Variants in ATXN10 observed in about 807,000 individuals in gnomAD.
ATXN10 encodes the protein ataxin-10.
A neutral mutation model predicts 52.9 loss-of-function variants in ATXN10; 28 were observed. That is an observed-to-expected ratio of 0.53 (90% confidence interval 0.39 to 0.73). The LOEUF (loss-of-function observed/expected upper bound fraction) is 0.73. Ranked by LOEUF, ATXN10 falls within the 30% of genes least tolerant of loss-of-function variation. ATXN10 has a pLI of 0.00. For missense variants in ATXN10, 565 were observed against 577.0 expected, an observed-to-expected ratio of 0.98 and a Z score of 0.21; for synonymous variants, 226 against 221.5, an observed-to-expected ratio of 1.02 and a Z score of -0.18.
chr22:45,793,460 A>G, intron 9 of ATXN10: 1 of 717,752 alleles, frequency 1.4e-6, no homozygotes, highest in Non-Finnish European at 1.9e-6. Context: ...CCACATCTTG[A>G]GGTCTTATTC....
At chr22:45,692,950 A>T (rs765083131) in intron 2 of ATXN10, 46 bp from the exon 3 acceptor site, 1 of 1,496,916 alleles carries the variant, frequency 6.7e-7, no homozygotes, top group East Asian at 2.3e-5. Flanking sequence ...TAGACAATAT[A>T]TGAATGAATG....
intron 9 of ATXN10, among the ~76,000 whole-genome samples, chr22:45,761,398 T>G (rs1274558410): frequency 1.3e-5 from 2 of 152,338 alleles, no homozygotes; most frequent in East Asian, 3.9e-4. Context: ...CCACAGTGAG[T>G]GCTCTGTAAA....
chr22:45,697,459 G>A (rs536500623), intron 3 of ATXN10, among the ~76,000 whole-genome samples: 3 of 151,702 alleles, frequency 2.0e-5, no homozygotes, highest in Non-Finnish European at 4.4e-5. Flanking sequence ...AAAGGATACC[G>A]TTTTCATTGA....
intron 10 of ATXN10, among the ~76,000 whole-genome samples, chr22:45,809,486 T>C (rs1928211143): frequency 6.6e-6 from 1 of 152,230 alleles, no homozygotes; most frequent in Non-Finnish European, 1.5e-5. Context: ...CTTTTGTATA[T>C]CTAAATAATA....
intron 7 of ATXN10, among the ~76,000 whole-genome samples, chr22:45,734,044 C>T (rs1205711793): frequency 6.6e-6 from 1 of 151,792 alleles, no homozygotes; most frequent in Non-Finnish European, 1.5e-5. Flanking sequence ...TTCATTTGTT[C>T]CCTATAGACT....
rs1928125512 is a variant in ATXN10 at position 45,807,108 on chromosome 22, T to A, written c.1237+86T>A. On this transcript the variant is annotated intron_variant, in intron 10 of 11. Coordinates refer to ENST00000252934, the MANE Select transcript of ATXN10 (RefSeq NM_013236.4). ...TCCCTTGCCTCATGTTCATTCAGTATGTAGCTGGCTGCCTTGCTTGCTTGT... is the reference window on the plus strand; with the variant it reads ...TCCCTTGCCTCATGTTCATTCAGTAAGTAGCTGGCTGCCTTGCTTGCTTGT... The A allele has an allele frequency of 3.8e-6, 4 of 1,052,616 alleles. No homozygotes were observed. In the East Asian group the frequency reaches 9.5e-5, roughly 25 times the overall value. 65.2% of individuals were successfully genotyped at this position (1,052,616 alleles called of 1,614,324 possible).
rs1031371368 is a variant in ATXN10, at chr22:45,744,532, A to C, written c.1173+3994A>C. 1 of 152,174 alleles carries C rather than the reference A, an allele frequency of 6.6e-6. No individual in the cohort carries two copies. The highest frequency in any genetic ancestry group is 2.4e-5 in the African/African-American group (1 of 41,440). The allele number at this position is 152,174 out of a possible 1,614,324, so 9.4% of individuals were successfully genotyped here. ...AGGCCCCGAGACCAAGTGTGATTTA[A>C]CTCAGCTAGCACTTGCTGAGTGAGA... On this transcript the variant is annotated intron_variant, in intron 9 of 11. Coordinates refer to ENST00000252934, the MANE Select transcript of ATXN10 (RefSeq NM_013236.4). The surrounding 1 kb of genome is among the most constrained non-coding windows in gnomAD (Gnocchi z 4.9).
rs1463510320 is a variant in ATXN10 at position 45,712,143 on chromosome 22, G to T, written c.648-6270G>T. Among the ~76,000 whole-genome samples, 2 of 152,188 alleles carry T rather than the reference G, an allele frequency of 1.3e-5. No homozygotes were observed. The highest frequency in any genetic ancestry group is 1.3e-4 in the Admixed American group (2 of 15,288). On this transcript the variant is annotated intron_variant, in intron 5 of 11. Transcript: ENST00000252934. This position sits in a 1 kb window ranked among gnomAD's most constrained non-coding sequence, Gnocchi z 4.6. ...GTCACATTGTCATCCCTGGGGCAGTGCTGTTTGTTAGGGTGTGCAGTCAGG... is the reference window on the plus strand; with the variant it reads ...GTCACATTGTCATCCCTGGGGCAGTTCTGTTTGTTAGGGTGTGCAGTCAGG...
Position 45,837,613 on chromosome 22 carries a change from C to T in ATXN10, c.1238-5378C>T, listed in dbSNP as rs1257206886. ...CCATTAGTGCTTCCCATGTTCTAGGCCGGAAGTTGGCACACCTTTTCTGTG... is the reference window on the plus strand; with the variant it reads ...CCATTAGTGCTTCCCATGTTCTAGGTCGGAAGTTGGCACACCTTTTCTGTG... On this transcript the variant is annotated intron_variant, in intron 10 of 11. Transcript: ENST00000252934. The surrounding 1 kb of genome is among the most constrained non-coding windows in gnomAD (Gnocchi z 5.8). 6.6e-6 allele frequency among the ~76,000 whole-genome samples: 1 copy of T among 152,198 alleles called. No homozygotes were observed. Among genetic ancestry groups the T allele is most frequent in the Non-Finnish European group, 1.5e-5 (1 of 68,038 alleles).
At chr22:45,792,080 C>T (rs1489359581) in intron 9 of ATXN10, among the ~76,000 whole-genome samples, 3 of 151,966 alleles carry the variant, frequency 2.0e-5, no homozygotes, top group Non-Finnish European at 4.4e-5. Context: ...AGGCAATTAC[C>T]TTTTCTTAAG....
In ATXN10 at chr22:45,787,174, T is replaced by C. The variant is rs549309093; in HGVS notation, c.1174-19785T>C. Among the ~76,000 whole-genome samples, 9 of 152,328 alleles carry C rather than the reference T, an allele frequency of 5.9e-5. No homozygotes were observed. The South Asian group carries it at 1.9e-3, about 32-fold the overall frequency. ...TAACAAATTAAGTATAAGTATTTAA[T>C]ATATGTGCATTGAAAAACACAGAGA... On this transcript the variant is annotated intron_variant, in intron 9 of 11. Transcript: ENST00000252934. This position sits in a 1 kb window ranked among gnomAD's most constrained non-coding sequence, Gnocchi z 4.2.
rs749277228 is a variant in ATXN10, at chr22:45,689,738, A to G, written c.143A>G (p.Gln48Arg). Residue 48 changes from glutamine to arginine, a missense_variant, in exon 2 of 12, where the codon CAA (glutamine) becomes CGA (arginine). Coordinates refer to ENST00000252934, the MANE Select transcript of ATXN10 (RefSeq NM_013236.4). ...GAAACAGCACCCAGGACTATCTTCC[A>G]AAGAGTTCTGGATATCCTAAAGAAA... ...NRETAPRTIF[Q>R]RVLDILKKSS... is the part of the protein sequence containing the mutation. 6.2e-6 allele frequency: 10 copies of G among 1,614,038 alleles called. No individual in the cohort carries two copies. In the East Asian group the frequency reaches 2.2e-4, roughly 36 times the overall value.
intron 10 of ATXN10, among the ~76,000 whole-genome samples, chr22:45,817,935 C>CT (rs1182808179): frequency 6.6e-6 from 1 of 152,152 alleles, no homozygotes; most frequent in Non-Finnish European, 1.5e-5. Flanking sequence ...TGAGGGGGAC[C>CT]TGCTTTAGCC....
intron 1 of ATXN10, among the ~76,000 whole-genome samples, chr22:45,680,607 C>T (rs1266481285): frequency 1.3e-5 from 2 of 151,918 alleles, no homozygotes; most frequent in African/African-American, 4.8e-5. Context: ...ATCACAGCGC[C>T]ACCATGCCCC....
intron 9 of ATXN10, among the ~76,000 whole-genome samples, chr22:45,773,066 C>A (rs2146843145): frequency 6.6e-6 from 1 of 152,324 alleles, no homozygotes; most frequent in East Asian, 1.9e-4. Flanking sequence ...CCCAGAGACA[C>A]AAGGGCTGAC....
At chr22:45,719,921 G>A (rs758658885) in intron 6 of ATXN10, among the ~76,000 whole-genome samples, 8 of 152,180 alleles carry the variant, frequency 5.3e-5, no homozygotes, top group Non-Finnish European at 1.0e-4. Context: ...CTGAGGGCAA[G>A]GATTCATCCC....
chr22:45,703,014 T>G (rs558801567), intron 5 of ATXN10, among the ~76,000 whole-genome samples, 167 bp downstream of exon 5: 1 of 152,294 alleles, frequency 6.6e-6, no homozygotes. Flanking sequence ...CTAGAGAACT[T>G]GTGAATGAGG....
At chr22:45,802,318 C>T (rs1229081930) in intron 9 of ATXN10, among the ~76,000 whole-genome samples, 1 of 152,194 alleles carries the variant, frequency 6.6e-6, no homozygotes, top group Non-Finnish European at 1.5e-5. Context: ...AAACAAACAA[C>T]TTTCTTGTTT....
rs749614004 is a variant in ATXN10, at chr22:45,692,978, C to G, written c.309-18C>G. 6.8e-6 allele frequency: 11 copies of G among 1,611,938 alleles called. No individual in the cohort carries two copies. Among genetic ancestry groups the G allele is most frequent in the Non-Finnish European group, 8.5e-6 (10 of 1,178,154 alleles). On this transcript the variant is annotated intron_variant, in intron 2 of 11. Coordinates refer to ENST00000252934, the MANE Select transcript of ATXN10 (RefSeq NM_013236.4). Reference sequence around the variant, plus strand: ...AATGAATGAACATGTCTAATTTTGTCTTTTTTAAAAAACCCAGGAACTTGG... The same window carrying G: ...AATGAATGAACATGTCTAATTTTGTGTTTTTTAAAAAACCCAGGAACTTGG...
Sources: allele counts gnomAD v4.1 joint callset (sites outside exome capture counted in the v4.1 genomes callset), GRCh38; gene constraint gnomAD v4.1.1; non-coding constraint Gnocchi (gnomAD v3.1); transcripts MANE v1.5; gene names NCBI Gene and HGNC (gene_info 2026-07-23, HGNC 2026-07-21).